Variants in CACNB4 observed in about 807,000 individuals in gnomAD.
The protein encoded by CACNB4 is calcium voltage-gated channel auxiliary subunit beta 4.
Under a neutral mutation model 71.2 loss-of-function variants are expected in CACNB4, and 32 were observed. The ratio of observed to expected loss-of-function variants is 0.45; its 90% CI spans 0.34 to 0.60. The LOEUF (loss-of-function observed/expected upper bound fraction) is 0.60, where lower values mean the gene tolerates loss of function less well. CACNB4 is among the 20% of genes least tolerant of loss of function. The pLI is 0.01. For synonymous variants in CACNB4, 231 were observed against 236.9 expected (o/e 0.97, Z 0.23); for missense variants, 464 against 647.9 (o/e 0.72, Z 3.08).
intron 2 of CACNB4, chr2:151,973,712 A>G: frequency 6.2e-7 from 1 of 1,613,514 alleles, no homozygotes; most frequent in Non-Finnish European, 8.5e-7. Context: ...ATTGTCATAC[A>G]TGGAGGTGTG....
intron 2 of CACNB4, among the ~76,000 whole-genome samples, chr2:152,004,347 G>A (rs1385628478): frequency 5.9e-5 from 9 of 151,994 alleles, no homozygotes; most frequent in Non-Finnish European, 1.3e-4. Flanking sequence ...TCGATGTTCT[G>A]TGCAGAAGCC....
chr2:151,913,685 G>T (rs1321862200), intron 2 of CACNB4, among the ~76,000 whole-genome samples: 1 of 146,972 alleles, frequency 6.8e-6, no homozygotes, highest in African/African-American at 2.5e-5. Context: ...CGAATGGCAT[G>T]AACCCAGGAG....
At chr2:151,846,563 G>GT (rs2099837644) in intron 12 of CACNB4, among the ~76,000 whole-genome samples, 1 of 151,844 alleles carries the variant, frequency 6.6e-6, no homozygotes, top group African/African-American at 2.4e-5. Context: ...GTTTTGTTTT[G>GT]TTTTTTGGAG....
At chr2:152,074,363 C>G (rs1056510337) in intron 2 of CACNB4, among the ~76,000 whole-genome samples, 2 of 151,898 alleles carry the variant, frequency 1.3e-5, no homozygotes, top group Admixed American at 1.3e-4. Context: ...ATCACTACTA[C>G]CATTCCCACC....
intron 2 of CACNB4, among the ~76,000 whole-genome samples, chr2:151,900,345 A>G (rs1170162140): frequency 6.6e-6 from 1 of 152,222 alleles, no homozygotes; most frequent in Admixed American, 6.5e-5. Context: ...GGTCAGTCTG[A>G]GGTGATGAGG....
At chr2:152,027,766 C>T (rs1485481966) in intron 2 of CACNB4, among the ~76,000 whole-genome samples, 1 of 146,728 alleles carries the variant, frequency 6.8e-6, no homozygotes, top group African/African-American at 2.5e-5. Context: ...GCAGGAGAAT[C>T]GCTTGAACCC....
chr2:152,011,639 T>A (rs1683063315), intron 2 of CACNB4, among the ~76,000 whole-genome samples: 1 of 152,200 alleles, frequency 6.6e-6, no homozygotes, highest in African/African-American at 2.4e-5. Context: ...CACCCTGGTG[T>A]TTGATGCTTC....
At chr2:151,915,357 TAGA>T (rs1299243363) in intron 2 of CACNB4, among the ~76,000 whole-genome samples, 1 of 152,088 alleles carries the variant, frequency 6.6e-6, no homozygotes, top group East Asian at 1.9e-4. Flanking sequence ...CCTGGACGTA[TAGA>T]AATGGGTGCC....
intron 10 of CACNB4, among the ~76,000 whole-genome samples, chr2:151,856,238 ATAAATTACCTGACT>A (rs1221221604): frequency 6.7e-6 from 1 of 150,080 alleles, no homozygotes; most frequent in African/African-American, 2.5e-5. Context: ...TATATATTTT[ATAAATTACCTGACT>A]TATTGGATCA....
intron 2 of CACNB4, among the ~76,000 whole-genome samples, chr2:151,945,642 C>A (rs534556249): frequency 6.6e-6 from 1 of 152,008 alleles, no homozygotes; most frequent in South Asian, 2.1e-4. Context: ...CAGAGTGAAA[C>A]CCTGTTTCAA....
chr2:151,910,321 T>C (rs1007567488), intron 2 of CACNB4, among the ~76,000 whole-genome samples: 1 of 152,230 alleles, frequency 6.6e-6, no homozygotes, highest in African/African-American at 2.4e-5. Flanking sequence ...ATTCTGTAGG[T>C]TGCCTGTTCA....
intron 2 of CACNB4, among the ~76,000 whole-genome samples, chr2:152,035,073 C>A (rs536428683): frequency 1.3e-5 from 2 of 152,302 alleles, no homozygotes; most frequent in Non-Finnish European, 2.9e-5. Flanking sequence ...CAATGCCCTT[C>A]AAAATCCCAA....
At chr2:152,001,184 A>G (rs1486351821) in intron 2 of CACNB4, among the ~76,000 whole-genome samples, 1 of 152,142 alleles carries the variant, frequency 6.6e-6, no homozygotes, top group Non-Finnish European at 1.5e-5. Context: ...ATCAGAGCAC[A>G]TGGCCTTAAC....
At chr2:151,999,239 C>T (rs745676729) in intron 2 of CACNB4, among the ~76,000 whole-genome samples, 1 of 152,190 alleles carries the variant, frequency 6.6e-6, no homozygotes, top group Non-Finnish European at 1.5e-5. Context: ...TTGGACAGTT[C>T]ATGTCCGCCC....
chr2:152,086,443 A>T (rs1355835532), intron 2 of CACNB4, among the ~76,000 whole-genome samples: 2 of 152,224 alleles, frequency 1.3e-5, no homozygotes, highest in African/African-American at 2.4e-5. Flanking sequence ...TCCCCCAGGG[A>T]AGTACTCAAA....
At chr2:151,918,031 G>C (rs1293184037) in intron 2 of CACNB4, among the ~76,000 whole-genome samples, 1 of 151,798 alleles carries the variant, frequency 6.6e-6, no homozygotes, top group Non-Finnish European at 1.5e-5. Context: ...CAAATGTTTT[G>C]AAACAAAAGT....
At chr2:151,913,179 T>C (rs907759184) in intron 2 of CACNB4, among the ~76,000 whole-genome samples, 2 of 152,196 alleles carry the variant, frequency 1.3e-5, no homozygotes, top group African/African-American at 4.8e-5. Flanking sequence ...AAGGTTAGTA[T>C]TGCTATGTGT....
intron 2 of CACNB4, among the ~76,000 whole-genome samples, chr2:152,050,086 G>A (rs994693556): frequency 2.0e-5 from 3 of 152,240 alleles, no homozygotes; most frequent in African/African-American, 4.8e-5. Flanking sequence ...GGCATGTTGG[G>A]TGAAAGCCCC....
chr2:151,979,121 C>T (rs75565081), intron 2 of CACNB4, among the ~76,000 whole-genome samples: 146 of 152,170 alleles, frequency 9.6e-4, no homozygotes, highest in African/African-American at 3.3e-3. Context: ...CCCAGAAGAC[C>T]GTCCTCATGA....
Sources: gnomAD v4.1 joint callset for allele counts (sites outside exome capture counted in the v4.1 genomes callset) on GRCh38, gnomAD v4.1.1 for gene constraint, MANE v1.5 for transcripts, NCBI Gene and HGNC (gene_info 2026-07-23, HGNC 2026-07-21) for gene names.